SMIM35: variants seen among roughly 807,000 people sequenced by gnomAD.
SMIM35 encodes the protein small integral membrane protein 35, also known as TMPRSS4 antisense RNA 1 (non-protein coding).
In SMIM35 at chr11:118,053,532, C is replaced by A. The variant is rs570562065; in HGVS notation, c.7+33219G>T. Among the ~76,000 whole-genome samples the A allele has an allele frequency of 3.9e-5, 6 of 152,316 alleles. No individual in the cohort carries two copies. The East Asian group carries it at 1.2e-3, about 29-fold the overall frequency. On this transcript the variant is annotated intron_variant, in intron 1 of 4. Coordinates refer to ENST00000689828, the MANE Select transcript of SMIM35 (RefSeq NM_001394165.1). Reference sequence around the variant, plus strand: ...ACCCTTCCTTGGATTCCTTATTCAACTCCTCCAAACAGCAGTCCTGAGAAA... The same window carrying A: ...ACCCTTCCTTGGATTCCTTATTCAAATCCTCCAAACAGCAGTCCTGAGAAA...
chr11:118,029,850 T>G (rs1485714499), intron 1 of SMIM35: 3 of 454,928 alleles, frequency 6.6e-6, no homozygotes, highest in Admixed American at 4.7e-5. Context: ...AATGCTAGCA[T>G]CTGCCTCCTG....
At chr11:118,044,489 C>T (rs916123357) in intron 1 of SMIM35, among the ~76,000 whole-genome samples, 12 of 151,974 alleles carry the variant, frequency 7.9e-5, no homozygotes, top group African/African-American at 2.4e-4. Flanking sequence ...CTCCAGATGC[C>T]CCTCCAACTC....
intron 4 of SMIM35, among the ~76,000 whole-genome samples, chr11:118,010,638 T>C (rs2058145028): frequency 6.6e-6 from 1 of 152,218 alleles, no homozygotes; most frequent in Non-Finnish European, 1.5e-5. Context: ...TCTCAAGCCC[T>C]GAGCGAAGTC....
At chr11:118,069,813 A>G (rs1462393720) in intron 1 of SMIM35, among the ~76,000 whole-genome samples, 2 of 152,140 alleles carry the variant, frequency 1.3e-5, no homozygotes, top group African/African-American at 4.8e-5. Flanking sequence ...TGTAATCCCA[A>G]CACTTTGGAA....
At chr11:118,066,504 A>G (rs1299841292) in intron 1 of SMIM35, among the ~76,000 whole-genome samples, 1 of 152,222 alleles carries the variant, frequency 6.6e-6, no homozygotes, top group African/African-American at 2.4e-5. Context: ...TGTGGTCTCC[A>G]AAGTTCTTTG....
At chr11:118,040,746 A>ATAT (rs1943986683) in intron 1 of SMIM35, among the ~76,000 whole-genome samples, 1 of 152,168 alleles carries the variant, frequency 6.6e-6, no homozygotes, top group African/African-American at 2.4e-5. Context: ...AAAATTATAT[A>ATAT]TATGTAAAAT....
At chr11:118,061,398 C>A (rs1944393483) in intron 1 of SMIM35, among the ~76,000 whole-genome samples, 1 of 152,198 alleles carries the variant, frequency 6.6e-6, no homozygotes, top group South Asian at 2.1e-4. Flanking sequence ...CAATAAGTGG[C>A]ATTTCTAGCT....
intron 1 of SMIM35, among the ~76,000 whole-genome samples, chr11:118,030,361 G>T (rs1051002002): frequency 3.9e-5 from 6 of 152,074 alleles, no homozygotes; most frequent in Non-Finnish European, 8.8e-5. Context: ...TTGGGCTCAG[G>T]CTTCTTCACA....
intron 1 of SMIM35, among the ~76,000 whole-genome samples, chr11:118,047,502 G>A (rs897629639): frequency 9.9e-5 from 15 of 152,272 alleles, no homozygotes; most frequent in Admixed American, 3.3e-4. Flanking sequence ...CAGAATCTTG[G>A]TGGTGGCTCA....
At chr11:118,048,022 G>A (rs1346381134) in intron 1 of SMIM35, among the ~76,000 whole-genome samples, 1 of 152,170 alleles carries the variant, frequency 6.6e-6, no homozygotes, top group African/African-American at 2.4e-5. Context: ...CCCCATCACT[G>A]CCCCCAGAGT....
intron 1 of SMIM35, among the ~76,000 whole-genome samples, chr11:118,062,348 G>A (rs1214816003): frequency 6.6e-6 from 1 of 152,120 alleles, no homozygotes; most frequent in East Asian, 1.9e-4. Context: ...ACAAACAAAA[G>A]TGGGTCAAGA....
In SMIM35 at chr11:118,005,727, G is replaced by A. The variant is rs1395823392; in HGVS notation, c.*683C>T. 6.6e-6 allele frequency: 1 copy of A among 152,646 alleles called. No individual in the cohort carries two copies. The highest frequency in any genetic ancestry group is 1.5e-5 in the Non-Finnish European group (1 of 68,292). 9.5% of individuals were successfully genotyped at this position (152,646 alleles called of 1,614,324 possible). ...TGTCACCACCTCCCACTGTCATCTG[G>A]TCAAATTCATCTTCACCTCTCCCCT... On this transcript the variant is annotated 3_prime_UTR_variant, in exon 5 of 5. Transcript: ENST00000689828.
intron 1 of SMIM35, among the ~76,000 whole-genome samples, chr11:118,064,511 T>C (rs1731884279): frequency 6.6e-6 from 1 of 152,232 alleles, no homozygotes. Flanking sequence ...TTCAAATTCC[T>C]GGGCTCAGGA....
In SMIM35 at chr11:118,015,778, G is replaced by A. The variant is rs1479640079; in HGVS notation, c.39C>T (p.Ile13=). The A allele has an allele frequency of 2.3e-5, 9 of 399,334 alleles. No individual in the cohort carries two copies. In the Admixed American group the frequency reaches 3.5e-4, roughly 16 times the overall value. 24.7% of individuals were successfully genotyped at this position (399,334 alleles called of 1,614,324 possible). The part of the protein sequence containing the change: ...GEDSISTLGL[I]LGVGLLLLLV... ...GCAGCAGCAAGAGCCCCACGCCAAG[G>A]ATCAGGCCCAAGGTGCTGATGGAGT... Residue 13 remains isoleucine, a synonymous_variant, in exon 2 of 5, where the codon ATC becomes ATT. Transcript: ENST00000689828.
rs371622014 is a variant in SMIM35 at position 118,020,002 on chromosome 11, G to A, written c.8-4193C>T. The stretch of plus-strand genomic sequence containing the variant: ...ATCTCGGCTGGGCATGGTGTCTCAC[G>A]CCTGTAATCCCAGCATTTGGGAGGC... On this transcript the variant is annotated intron_variant, in intron 1 of 4. Coordinates refer to ENST00000689828, the MANE Select transcript of SMIM35 (RefSeq NM_001394165.1). 3.6e-4 allele frequency among the ~76,000 whole-genome samples: 55 copies of A among 152,250 alleles called. 2 individuals carry two copies. In the South Asian group the frequency reaches 9.5e-3, roughly 26 times the overall value.
intron 1 of SMIM35, among the ~76,000 whole-genome samples, chr11:118,023,289 T>C (rs542158400): frequency 3.3e-5 from 5 of 152,064 alleles, no homozygotes; most frequent in Non-Finnish European, 7.4e-5. Context: ...CATGTGTGTG[T>C]GAAAAAGAGG....
chr11:118,066,917 A>G (rs1316157459), intron 1 of SMIM35, among the ~76,000 whole-genome samples: 2 of 151,826 alleles, frequency 1.3e-5, no homozygotes, highest in Non-Finnish European at 2.9e-5. Flanking sequence ...ACAATTTTAC[A>G]CTCAAGATAG....
intron 1 of SMIM35, among the ~76,000 whole-genome samples, chr11:118,037,923 T>C (rs1565387524): frequency 6.6e-6 from 1 of 152,200 alleles, no homozygotes; most frequent in African/African-American, 2.4e-5. Context: ...TGCTGTCACT[T>C]TTTTAAAGCT....
intron 1 of SMIM35, among the ~76,000 whole-genome samples, chr11:118,047,356 G>A (rs1444929563): frequency 2.0e-5 from 3 of 152,240 alleles, no homozygotes; most frequent in African/African-American, 4.8e-5. Context: ...AGAGAGAAAG[G>A]GAGAGAGATG....
Sources: gnomAD v4.1 joint callset for allele counts (sites outside exome capture counted in the v4.1 genomes callset) on GRCh38, gnomAD v4.1.1 for gene constraint, MANE v1.5 for transcripts, NCBI Gene and HGNC (gene_info 2026-07-23, HGNC 2026-07-21) for gene names.